Variants in FNIP2 observed in about 807,000 individuals in gnomAD.
FNIP2 encodes the protein folliculin-interacting protein 2.
A neutral mutation model predicts 108.7 loss-of-function variants in FNIP2; 32 were observed. That is an observed-to-expected ratio of 0.29 (90% CI 0.22 to 0.40). The LOEUF (loss-of-function observed/expected upper bound fraction) is 0.40, where lower values mean the gene tolerates loss of function less well. Among genes scored for constraint, FNIP2 ranks in the 10% least tolerant of loss-of-function variants. The pLI, the probability that FNIP2 is intolerant of heterozygous loss-of-function variation, is 1.00. For missense variants in FNIP2, 1,202 were observed against 1,381.6 expected (o/e 0.87, Z 2.06); for synonymous variants, 480 against 496.7 (o/e 0.97, Z 0.45).
intron 1 of FNIP2, among the ~76,000 whole-genome samples, chr4:158,810,845 G>A (rs561314621): frequency 1.3e-5 from 2 of 152,198 alleles, no homozygotes; most frequent in African/African-American, 4.8e-5. Context: ...AGCTTCTGAA[G>A]CCTTTTTTCC....
At chr4:158,819,062 CTTAATA>C (rs1777734503) in intron 1 of FNIP2, among the ~76,000 whole-genome samples, 1 of 152,142 alleles carries the variant, frequency 6.6e-6, no homozygotes, top group Non-Finnish European at 1.5e-5. Context: ...ATATAGTTAA[CTTAATA>C]TTTATATGTT....
chr4:158,856,755 G>T (rs1359312449), intron 8 of FNIP2, among the ~76,000 whole-genome samples: 1 of 152,200 alleles, frequency 6.6e-6, no homozygotes, highest in African/African-American at 2.4e-5. Flanking sequence ...GTAGAACTCT[G>T]CCTCAGTTTC....
At chr4:158,884,728 G>T (rs1468035814) in intron 14 of FNIP2, among the ~76,000 whole-genome samples, 1 of 152,164 alleles carries the variant, frequency 6.6e-6, no homozygotes, top group Non-Finnish European at 1.5e-5. Context: ...GTTCTGCAGG[G>T]CTGGGGAGGC....
chr4:158,867,297 A>G (rs780902838), intron 12 of FNIP2, among the ~76,000 whole-genome samples: 5 of 152,146 alleles, frequency 3.3e-5, no homozygotes, highest in Non-Finnish European at 5.9e-5. Flanking sequence ...GGTTCAAGCA[A>G]TTCTCCTGCC....
chr4:158,879,761 C>T (rs2126738191), intron 14 of FNIP2, among the ~76,000 whole-genome samples: 1 of 150,428 alleles, frequency 6.6e-6, no homozygotes, highest in African/African-American at 2.5e-5. Flanking sequence ...AAGCTAACAA[C>T]CCCATCAAAA....
chr4:158,785,242 G>A (rs1489721715), intron 1 of FNIP2, among the ~76,000 whole-genome samples: 1 of 151,784 alleles, frequency 6.6e-6, no homozygotes, highest in Non-Finnish European at 1.5e-5. Flanking sequence ...GTGCCACCAT[G>A]CCCAGCTAAT....
chr4:158,833,649 A>G (rs776185849), intron 6 of FNIP2, 21 bp downstream of exon 6: 3 of 1,582,466 alleles, frequency 1.9e-6, no homozygotes, highest in Non-Finnish European at 2.6e-6. Context: ...AGATACAAAC[A>G]AATTCTTTCT....
intron 1 of FNIP2, chr4:158,806,435 T>A (rs1285300051): frequency 7.8e-7 from 1 of 1,281,656 alleles, no homozygotes; most frequent in East Asian, 5.6e-5. Flanking sequence ...TTTGAAACTT[T>A]AGTTGTTTCA....
intron 15 of FNIP2, among the ~76,000 whole-genome samples, chr4:158,894,331 C>T (rs1782495472): frequency 6.6e-6 from 1 of 151,856 alleles, no homozygotes; most frequent in Admixed American, 6.6e-5. Flanking sequence ...GGCCACTATG[C>T]CCAGGTAATT....
rs910517430 is a variant in FNIP2, at chr4:158,895,753, A to C, written c.3154A>C (p.Ile1052Leu). 3.7e-6 allele frequency: 6 copies of C among 1,601,560 alleles called. No homozygotes were observed. Among genetic ancestry groups the C allele is most frequent in the Non-Finnish European group, 5.1e-6 (6 of 1,169,826 alleles). Residue 1052 changes from isoleucine (I) to leucine (L), a missense_variant, in exon 16 of 17, where the codon ATC (isoleucine) becomes CTC (leucine). By Grantham distance (5) the Ile-to-Leu change is conservative (BLOSUM62 2). Transcript: ENST00000264433. The part of the protein sequence containing the change: ...YKLHLPADFC[I>L]MHLEDRLQEM... The stretch of plus-strand genomic sequence containing the variant: ...GTGAATGTTCTTGGCTTTGCAGTGC[A>C]TCATGCATCTTGAAGATAGACTACA...
intron 8 of FNIP2, among the ~76,000 whole-genome samples, 178 bp downstream of exon 8, chr4:158,851,628 C>G (rs141353713): frequency 6.6e-6 from 1 of 152,186 alleles, no homozygotes; most frequent in Non-Finnish European, 1.5e-5. Flanking sequence ...TAAATAAAAG[C>G]TGAAATTTTA....
intron 14 of FNIP2, among the ~76,000 whole-genome samples, chr4:158,881,919 G>A (rs1243345990): frequency 6.7e-6 from 1 of 150,068 alleles, no homozygotes; most frequent in Admixed American, 6.6e-5. Flanking sequence ...CCCATCGTCT[G>A]GGATGTGAGG....
chr4:158,829,301 C>A lies in FNIP2; in HGVS notation c.381+76C>A, dbSNP rs1433192767. On this transcript the variant is annotated intron_variant, in intron 3 of 16. Coordinates refer to ENST00000264433, the MANE Select transcript of FNIP2 (RefSeq NM_020840.3). ...TGTAATTTCTCCTTGGGAAATAATG[C>A]CTGCTCGAGGGCTCTACTCCAGGAA... The A allele has an allele frequency of 8.4e-6, 11 of 1,310,092 alleles. No homozygotes were observed. In the South Asian group the frequency reaches 1.6e-4, roughly 19 times the overall value. The allele number at this position is 1,310,092 out of a possible 1,614,324, so 81.2% of individuals were successfully genotyped here.
At position 158,782,517 on chromosome 4, in the gene FNIP2, C is replaced by CTTTTTTTTTTTTTTTT. The variant is rs1776085825; in HGVS notation, c.107+13203_107+13204insTTTTTTTTTTTTTTTT. 2.2e-5 allele frequency among the ~76,000 whole-genome samples: 3 copies of CTTTTTTTTTTTTTTTT among 138,840 alleles called. 1 individual carries two copies. The highest frequency in any genetic ancestry group is 3.3e-5 in the Non-Finnish European group (2 of 60,596). 91.1% of individuals were successfully genotyped at this position (138,840 alleles called of 152,430 possible). On this transcript the variant is annotated intron_variant, in intron 1 of 16. Coordinates refer to ENST00000264433, the MANE Select transcript of FNIP2 (RefSeq NM_020840.3). Reference sequence around the variant, plus strand: ...TGTATCTTTTAATATCAGGAGCTTCCTTTTTGTTTTTTTTTTTTCCTCAAA... The same window carrying CTTTTTTTTTTTTTTTT: ...TGTATCTTTTAATATCAGGAGCTTCCTTTTTTTTTTTTTTTTTTTTTGTTTTTTTTTTTTCCTCAAA...
chr4:158,794,378 A>G (rs1281368982), intron 1 of FNIP2, among the ~76,000 whole-genome samples: 2 of 151,666 alleles, frequency 1.3e-5, no homozygotes, highest in African/African-American at 4.8e-5. Context: ...CTGGTCTTGA[A>G]CTCCTGAACT....
rs1485222734 is a variant in FNIP2 at position 158,829,059 on chromosome 4, G to T, written c.235-20G>T. The T allele has an allele frequency of 6.4e-7, 1 of 1,573,052 alleles. No individual in the cohort carries two copies. The highest frequency in any genetic ancestry group is 8.6e-7 in the Non-Finnish European group (1 of 1,156,556). ...GATATACTTAGTAATCTTTTACCTTGCCTGTCTCTCTTAACCTAGAAAACA... is the reference window on the plus strand; with the variant it reads ...GATATACTTAGTAATCTTTTACCTTTCCTGTCTCTCTTAACCTAGAAAACA... On this transcript the variant is annotated intron_variant, in intron 2 of 16. Transcript: ENST00000264433.
chr4:158,861,535 T>C (rs1488018148), intron 11 of FNIP2, 47 bp downstream of exon 11: 1 of 1,613,572 alleles, frequency 6.2e-7, no homozygotes, highest in Non-Finnish European at 8.5e-7. Context: ...TCATGGCCAA[T>C]GTGTGTACTG....
At position 158,832,155 on chromosome 4, in the gene FNIP2, G is replaced by A. The variant is rs754310985; in HGVS notation, c.554+17G>A. 1 of 1,599,268 alleles carries A rather than the reference G, an allele frequency of 6.3e-7. No individual in the cohort carries two copies. Among genetic ancestry groups the A allele is most frequent in the African/African-American group, 1.3e-5 (1 of 74,528 alleles). On this transcript the variant is annotated intron_variant, in intron 5 of 16. Coordinates refer to ENST00000264433, the MANE Select transcript of FNIP2 (RefSeq NM_020840.3). Reference sequence around the variant, plus strand: ...TACAAATAAGTAAGTGTAGGATTTTGCATTCCCCACCCCCATTTTTTAAAG... The same window carrying A: ...TACAAATAAGTAAGTGTAGGATTTTACATTCCCCACCCCCATTTTTTAAAG...
chr4:158,823,475 A>G (rs781454308), intron 1 of FNIP2, among the ~76,000 whole-genome samples: 51 of 152,208 alleles, frequency 3.4e-4, no homozygotes, highest in Non-Finnish European at 6.6e-4. Flanking sequence ...CGTGTTGGCC[A>G]TGGTTGGCCA....
Sources: gnomAD v4.1 joint callset for allele counts (sites outside exome capture counted in the v4.1 genomes callset) on GRCh38, gnomAD v4.1.1 for gene constraint, MANE v1.5 for transcripts, NCBI Gene and HGNC (gene_info 2026-07-23, HGNC 2026-07-21) for gene names.